The following PDE7B variants were observed in gnomAD, a reference collection of about 807,000 sequenced individuals.
PDE7B encodes the protein phosphodiesterase 7B.
A neutral mutation model predicts 56.2 loss-of-function variants in PDE7B; 29 were observed. The ratio of observed to expected loss-of-function variants is 0.52; its 90% CI spans 0.38 to 0.70. The LOEUF is 0.70. Ranked by LOEUF, PDE7B falls within the 30% of genes least tolerant of loss-of-function variation. The pLI is 0.00. For missense variants in PDE7B, 490 were observed against 565.0 expected (o/e 0.87, Z 1.35); for synonymous variants, 197 against 196.9 (o/e 1.00, Z 0.00).
intron 1 of PDE7B, among the ~76,000 whole-genome samples, chr6:135,926,497 C>T (rs1175424215): frequency 6.6e-6 from 1 of 151,488 alleles, no homozygotes; most frequent in Admixed American, 6.6e-5. Context: ...GTGGGGGGGG[C>T]TTAGCAAAAC....
chr6:135,994,165 T>TG (rs1775523705), intron 2 of PDE7B, among the ~76,000 whole-genome samples: 3 of 137,668 alleles, frequency 2.2e-5, no homozygotes, highest in African/African-American at 8.0e-5. Flanking sequence ...TGTGTGTGTG[T>TG]TTTATGTATA....
intron 2 of PDE7B, among the ~76,000 whole-genome samples, chr6:136,032,428 G>T (rs531190525): frequency 6.6e-6 from 1 of 152,226 alleles, no homozygotes; most frequent in South Asian, 2.1e-4. Context: ...CCTCCAAAAT[G>T]CACTTACAAA....
chr6:135,915,289 T>G (rs1773886015), intron 1 of PDE7B, among the ~76,000 whole-genome samples: 1 of 152,202 alleles, frequency 6.6e-6, no homozygotes, highest in Non-Finnish European at 1.5e-5. Flanking sequence ...TCACTTCTCT[T>G]GAATAAATTC....
intron 2 of PDE7B, among the ~76,000 whole-genome samples, chr6:135,999,758 C>T (rs1775633496): frequency 1.3e-5 from 2 of 151,650 alleles, no homozygotes; most frequent in South Asian, 4.2e-4. Context: ...AAATGATTTA[C>T]ATTGCTCTGG....
chr6:136,079,726 C>CAAAAA (rs35447604), intron 2 of PDE7B, among the ~76,000 whole-genome samples: 4 of 94,424 alleles, frequency 4.2e-5, no homozygotes, highest in Non-Finnish European at 7.0e-5. Context: ...ATTAGGAAGA[C>CAAAAA]AAAAAAAAAA....
At chr6:136,052,879 C>T (rs1458951492) in intron 2 of PDE7B, among the ~76,000 whole-genome samples, 4 of 152,066 alleles carry the variant, frequency 2.6e-5, no homozygotes, top group East Asian at 3.9e-4. Context: ...CCTCATATGA[C>T]TACACTCTTC....
chr6:135,970,676 C>T (rs1260231415), intron 2 of PDE7B, among the ~76,000 whole-genome samples: 1 of 152,090 alleles, frequency 6.6e-6, no homozygotes, highest in Non-Finnish European at 1.5e-5. Context: ...GTGTTCTGAA[C>T]AAGGAGTGGC....
At chr6:135,919,352 G>T (rs766590928) in intron 1 of PDE7B, among the ~76,000 whole-genome samples, 2 of 152,170 alleles carry the variant, frequency 1.3e-5, no homozygotes, top group Non-Finnish European at 2.9e-5. Context: ...TGTTACCAAC[G>T]TGACTCTGTG....
intron 3 of PDE7B, among the ~76,000 whole-genome samples, chr6:136,130,537 T>C (rs552113271): frequency 6.6e-6 from 1 of 152,298 alleles, no homozygotes; most frequent in East Asian, 1.9e-4. Context: ...CTCATATTTT[T>C]TGCTTTATAC....
intron 2 of PDE7B, among the ~76,000 whole-genome samples, chr6:136,059,343 A>G (rs1776796822): frequency 6.6e-6 from 1 of 152,240 alleles, no homozygotes; most frequent in Non-Finnish European, 1.5e-5. Context: ...CAATTGCTTA[A>G]TAATTCCTCA....
chr6:136,129,393 C>A lies in PDE7B; in HGVS notation c.167-17958C>A, dbSNP rs912281515. ...CCATAGCTGCTCCTGGAGGTCCCAA[C>A]CCCATGAGGGCACTGCTTAGTTATC... is the stretch of plus-strand genomic sequence containing the variant. On this transcript the variant is annotated intron_variant, in intron 3 of 12. Transcript: ENST00000308191. Among the ~76,000 whole-genome samples the A allele has an allele frequency of 1.2e-4, 18 of 152,138 alleles. 1 individual carries two copies. Among genetic ancestry groups the A allele is most frequent in the African/African-American group, 4.1e-4 (17 of 41,430 alleles).
At position 136,195,012 on chromosome 6, in the gene PDE7B, TGAG is replaced by T. The variant is rs1338579891; in HGVS notation, c.*3173_*3175del. ...TGCCAGGTTTAATTCTTTCATTGCT[TGAG>T]AAGAAAGGAATCAAAGGACTGTGTG... On this transcript the variant is annotated 3_prime_UTR_variant, in exon 13 of 13. Coordinates refer to ENST00000308191, the MANE Select transcript of PDE7B (RefSeq NM_018945.4). 1 of 152,192 alleles carries T rather than the reference TGAG, an allele frequency of 6.6e-6. No individual in the cohort carries two copies. The highest frequency in any genetic ancestry group is 1.9e-4 in the East Asian group (1 of 5,200). The allele number at this position is 152,192 out of a possible 1,614,324, so 9.4% of individuals were successfully genotyped here. A position where few individuals can be genotyped will look rare whatever the true frequency, so the allele number is the denominator to read the frequency against.
chr6:136,115,935 G>T (rs1186057134), intron 3 of PDE7B, among the ~76,000 whole-genome samples: 1 of 152,164 alleles, frequency 6.6e-6, no homozygotes, highest in Non-Finnish European at 1.5e-5. Flanking sequence ...GGAGAAACCT[G>T]CTATATGCTA....
intron 3 of PDE7B, among the ~76,000 whole-genome samples, chr6:136,135,014 C>G (rs762734048): frequency 2.0e-5 from 3 of 151,956 alleles, no homozygotes; most frequent in Non-Finnish European, 4.4e-5. Flanking sequence ...TTTCACTCTG[C>G]CTTAAAGAAG....
intron 3 of PDE7B, among the ~76,000 whole-genome samples, chr6:136,142,113 C>G (rs754628375): frequency 6.6e-6 from 1 of 152,152 alleles, no homozygotes; most frequent in African/African-American, 2.4e-5. Flanking sequence ...TTTCCCTCTA[C>G]ACACTGCTTT....
chr6:135,927,301 T>C (rs766287271), intron 1 of PDE7B, among the ~76,000 whole-genome samples: 1 of 152,204 alleles, frequency 6.6e-6, no homozygotes, highest in Non-Finnish European at 1.5e-5. Flanking sequence ...TGTAGTATAG[T>C]TTGAAGTTCA....
chr6:135,985,344 G>A (rs748381756), intron 2 of PDE7B, among the ~76,000 whole-genome samples: 2 of 152,196 alleles, frequency 1.3e-5, no homozygotes, highest in Non-Finnish European at 1.5e-5. Context: ...GCTTTCTGAG[G>A]TTGGATAGGA....
chr6:135,950,482 A>G (rs1333368696), intron 2 of PDE7B, among the ~76,000 whole-genome samples: 2 of 152,210 alleles, frequency 1.3e-5, no homozygotes, highest in African/African-American at 2.4e-5. Context: ...AGGTAATTTT[A>G]TAACATTTTT....
chr6:136,181,253 C>T lies in PDE7B; in HGVS notation c.975C>T (p.Cys325=). 1 of 1,613,608 alleles carries T rather than the reference C, an allele frequency of 6.2e-7. No individual in the cohort carries two copies. The highest frequency in any genetic ancestry group is 8.5e-7 in the Non-Finnish European group (1 of 1,179,508). Residue 325 remains cysteine (C), a synonymous_variant, in exon 11 of 13, where the codon TGC becomes TGT. Transcript: ENST00000308191. Reference sequence around the variant, plus strand: ...TCGCCTTGAAGTGTGCTGACATTTGCAATCCTTGTAGAATCTGGGAGATGA... The same window carrying T: ...TCGCCTTGAAGTGTGCTGACATTTGTAATCCTTGTAGAATCTGGGAGATGA... ...LQIALKCADI[C]NPCRIWEMSK...
Sources: gnomAD v4.1 joint callset for allele counts (sites outside exome capture counted in the v4.1 genomes callset) on GRCh38, gnomAD v4.1.1 for gene constraint, MANE v1.5 for transcripts, NCBI Gene and HGNC (gene_info 2026-07-23, HGNC 2026-07-21) for gene names.